STXBP5L: variants seen among roughly 807,000 people sequenced by gnomAD.
The protein encoded by STXBP5L is syntaxin binding protein 5L.
A neutral mutation model predicts 144.5 loss-of-function variants in STXBP5L; 65 were observed. The observed-to-expected ratio is 0.45, with a 90% CI of 0.37 to 0.55. The LOEUF (loss-of-function observed/expected upper bound fraction) is 0.55. STXBP5L is among the 20% of genes least tolerant of loss of function. STXBP5L has a pLI of 0.00. For missense variants in STXBP5L, 1,298 were observed against 1,405.5 expected, an observed-to-expected ratio of 0.92 and a Z score of 1.22; for synonymous variants, 505 against 469.6, an observed-to-expected ratio of 1.08 and a Z score of -0.97.
chr3:121,217,856 C>T (rs1421172254), intron 10 of STXBP5L, among the ~76,000 whole-genome samples: 1 of 151,498 alleles, frequency 6.6e-6, no homozygotes, highest in Non-Finnish European at 1.5e-5. Context: ...TGTATACATG[C>T]CTGGACTTTA....
intron 19 of STXBP5L, among the ~76,000 whole-genome samples, chr3:121,306,030 G>C (rs189662316): frequency 3.8e-4 from 58 of 152,286 alleles, no homozygotes; most frequent in Non-Finnish European, 6.5e-4. Flanking sequence ...GTACAGGATA[G>C]ACTTCCAGCT....
intron 9 of STXBP5L, chr3:121,158,281 T>A (rs1382653334): frequency 6.6e-6 from 1 of 152,144 alleles, no homozygotes; most frequent in Non-Finnish European, 1.5e-5. Flanking sequence ...ATGATCTGAG[T>A]TCTATGTTTA....
chr3:121,328,815 A>G (rs559471864), intron 20 of STXBP5L, among the ~76,000 whole-genome samples: 65 of 152,268 alleles, frequency 4.3e-4, no homozygotes, highest in Admixed American at 1.4e-3. Context: ...CATGGAGAAA[A>G]GCAAGAGTGT....
chr3:121,205,063 G>T (rs1027383346), intron 9 of STXBP5L, among the ~76,000 whole-genome samples: 1 of 152,230 alleles, frequency 6.6e-6, no homozygotes, highest in Middle Eastern at 3.4e-3. Context: ...ATAGTTCATT[G>T]TATGCTTTAA....
intron 11 of STXBP5L, among the ~76,000 whole-genome samples, chr3:121,231,101 C>A (rs901022201): frequency 3.2e-4 from 48 of 152,280 alleles, no homozygotes; most frequent in African/African-American, 1.1e-3. Flanking sequence ...ATGATTAGGG[C>A]ACTCCCATTT....
At chr3:121,228,240 C>T (rs2049185035) in intron 11 of STXBP5L, among the ~76,000 whole-genome samples, 1 of 152,144 alleles carries the variant, frequency 6.6e-6, no homozygotes, top group Non-Finnish European at 1.5e-5. Flanking sequence ...ACAAGGACAG[C>T]ATGAAGTACA....
chr3:121,367,564 T>A (rs1420750464), intron 20 of STXBP5L, among the ~76,000 whole-genome samples: 1 of 151,150 alleles, frequency 6.6e-6, no homozygotes, highest in Non-Finnish European at 1.5e-5. Flanking sequence ...CTATTGCTGC[T>A]TTCAAGGTTC....
intron 5 of STXBP5L, among the ~76,000 whole-genome samples, chr3:121,061,642 C>G (rs1311985826): frequency 6.6e-6 from 1 of 152,160 alleles, no homozygotes; most frequent in South Asian, 2.1e-4. Flanking sequence ...CCTAGTGAAT[C>G]CGGGTGCTCC....
intron 11 of STXBP5L, among the ~76,000 whole-genome samples, chr3:121,225,813 G>A (rs961234002): frequency 1.3e-5 from 2 of 152,122 alleles, no homozygotes; most frequent in Non-Finnish European, 2.9e-5. Context: ...TGATAAATAG[G>A]CCAAATTATA....
chr3:121,063,472 G>A (rs2041386574), intron 5 of STXBP5L, among the ~76,000 whole-genome samples: 1 of 152,184 alleles, frequency 6.6e-6, no homozygotes, highest in South Asian at 2.1e-4. Flanking sequence ...GAGTTATGGG[G>A]GTTAGGTACC....
At chr3:121,410,912 G>C (rs1465688846) in intron 23 of STXBP5L, among the ~76,000 whole-genome samples, 1 of 150,562 alleles carries the variant, frequency 6.6e-6, no homozygotes, top group Non-Finnish European at 1.5e-5. Flanking sequence ...TTCTTTTCTT[G>C]GCTTACTTGT....
intron 14 of STXBP5L, among the ~76,000 whole-genome samples, chr3:121,241,389 A>ATG: frequency 6.8e-6 from 1 of 147,312 alleles, no homozygotes; most frequent in East Asian, 2.1e-4. Flanking sequence ...ACACACACAC[A>ATG]CACACACACA....
chr3:121,260,768 A>G (rs142195367), intron 18 of STXBP5L, among the ~76,000 whole-genome samples: 27 of 152,216 alleles, frequency 1.8e-4, no homozygotes, highest in Non-Finnish European at 4.0e-4. Context: ...AAGCTCCAAG[A>G]GAATGCCTTG....
intron 2 of STXBP5L, among the ~76,000 whole-genome samples, chr3:120,910,376 C>A (rs1708766554): frequency 6.6e-6 from 1 of 152,106 alleles, no homozygotes; most frequent in Non-Finnish European, 1.5e-5. Context: ...TGATATTGAA[C>A]TTCTAATGAA....
At chr3:121,298,003 G>T (rs903960820) in intron 19 of STXBP5L, among the ~76,000 whole-genome samples, 3 of 152,160 alleles carry the variant, frequency 2.0e-5, no homozygotes, top group African/African-American at 7.2e-5. Context: ...CCCAGAAGTA[G>T]GATTGCTGGA....
intron 5 of STXBP5L, among the ~76,000 whole-genome samples, chr3:121,069,392 C>A (rs1042934698): frequency 6.6e-6 from 1 of 151,946 alleles, no homozygotes; most frequent in Non-Finnish European, 1.5e-5. Context: ...ACTATTCACC[C>A]ATTGAAGGAT....
intron 5 of STXBP5L, among the ~76,000 whole-genome samples, chr3:121,077,845 C>T (rs1446159597): frequency 2.0e-5 from 3 of 152,050 alleles, no homozygotes; most frequent in African/African-American, 7.2e-5. Flanking sequence ...CATTCACAAA[C>T]CCTGAGCTAG....
At chr3:120,943,438 C>CA (rs142447591) in intron 2 of STXBP5L, among the ~76,000 whole-genome samples, 2 of 151,316 alleles carry the variant, frequency 1.3e-5, no homozygotes, top group Admixed American at 6.6e-5. Flanking sequence ...CTGGAAAACT[C>CA]AAAATTTAAA....
intron 3 of STXBP5L, among the ~76,000 whole-genome samples, chr3:121,017,854 A>G (rs1020050388): frequency 1.2e-4 from 18 of 152,094 alleles, no homozygotes; most frequent in Admixed American, 1.2e-3. Flanking sequence ...AGGCAGGAGG[A>G]TTTCTTGAGG....
Sources: gnomAD v4.1 joint callset for allele counts (sites outside exome capture counted in the v4.1 genomes callset) on GRCh38, gnomAD v4.1.1 for gene constraint, MANE v1.5 for transcripts, NCBI Gene and HGNC (gene_info 2026-07-23, HGNC 2026-07-21) for gene names.